ZNF177: variants seen among roughly 807,000 people sequenced by gnomAD.
ZNF177 encodes the protein zinc finger protein 177.
A neutral mutation model predicts 19.4 loss-of-function variants in ZNF177; 17 were observed. That is an observed-to-expected ratio of 0.87 (90% CI 0.60 to 1.31). The LOEUF (loss-of-function observed/expected upper bound fraction) is 1.31. Ranked by LOEUF, ZNF177 falls within the 40% of genes most tolerant of loss-of-function variation. ZNF177 has a pLI of 0.00. For missense variants in ZNF177, 633 were observed against 561.8 expected, an observed-to-expected ratio of 1.13 and a Z score of -1.28; for synonymous variants, 220 against 188.7, an observed-to-expected ratio of 1.17 and a Z score of -1.36.
chr19:9,369,563 T>TGCAGAATTTAGCCCATCTG lies in ZNF177; in HGVS notation c.-304-2046_-304-2028dup, dbSNP rs1162164441. ...CTACCAGGACAGTCTGTTTTTAAAC[T>TGCAGAATTTAGCCCATCTG]GCAGAATTTAGCCCATCTGTACACT... On this transcript the variant is annotated intron_variant, in intron 2 of 8. Coordinates refer to the ZNF177 transcript ENST00000343499. 2.0e-5 allele frequency among the ~76,000 whole-genome samples: 3 copies of TGCAGAATTTAGCCCATCTG among 152,166 alleles called. No individual in the cohort carries two copies. In the East Asian group the frequency reaches 5.8e-4, roughly 29 times the overall value.
exon 6 of ZNF177, chr19:9,381,803 C>A: frequency 6.4e-7 from 1 of 1,560,966 alleles, no homozygotes. Flanking sequence ...TGTTTGTTGC[C>A]CCTCATGCCT....
In ZNF177 at chr19:9,380,652, A is replaced by G. The variant is rs1488627053; in HGVS notation, c.337-16A>G. On this transcript the variant is annotated splice_polypyrimidine_tract_variant and intron_variant, in intron 5 of 5. Transcript: ENST00000589262. ...GTGAAAAAGCCTCTAGTCACCACTT[A>G]CTCCCTTTTCAACAGGCAGAAAATC... 13 of 1,535,726 alleles carry G rather than the reference A, an allele frequency of 8.5e-6. No homozygotes were observed. The highest frequency in any genetic ancestry group is 1.4e-5 in the African/African-American group (1 of 73,102).
upstream of ZNF177, among the ~76,000 whole-genome samples, chr19:9,371,948 T>A (rs2068051889): frequency 6.6e-6 from 1 of 152,212 alleles, no homozygotes; most frequent in Non-Finnish European, 1.5e-5. Context: ...TATTAAGCTT[T>A]TATATATTTT....
chr19:9,369,112 G>A (rs927050158), intron 2 of ZNF177, among the ~76,000 whole-genome samples: 3 of 151,984 alleles, frequency 2.0e-5, no homozygotes, highest in African/African-American at 4.8e-5. Context: ...CTTCATGTGT[G>A]CTTCAAGAAT....
rs563417063 is a variant in ZNF177, at chr19:9,363,309, G to A, written c.-392+225G>A. On this transcript the variant is annotated intron_variant, in intron 1 of 8. Transcript: ENST00000343499. ...GGGAGGAGGCAAGTGGGTTCATGTG[G>A]TCAGAGTGCGTCGGCGGGGCCTTTT... 8 of 152,400 alleles carry A rather than the reference G, an allele frequency of 5.2e-5. No homozygotes were observed. In the East Asian group the frequency reaches 1.5e-3, roughly 29 times the overall value. 9.4% of individuals were successfully genotyped at this position (152,400 alleles called of 1,614,324 possible).
chr19:9,370,339 T>C (rs539391006), intron 2 of ZNF177, among the ~76,000 whole-genome samples: 1 of 152,194 alleles, frequency 6.6e-6, no homozygotes, highest in African/African-American at 2.4e-5. Context: ...TTCCCTCCCA[T>C]TTACTTTAAG....
Position 9,379,612 on chromosome 19 carries a change from CTG to C in ZNF177, c.249_250del (p.Ala84ArgfsTer7). ...ATGAAAGAGGAATTTTACAAGGTGA[CTG>C]TGCAGGTGAGCCTTGGGCAGAACAG... On this transcript the variant is annotated frameshift_variant, in exon 4 of 6. Transcript: ENST00000589262. LOFTEE classifies it high-confidence loss of function. The C allele has an allele frequency of 6.2e-7, 1 of 1,613,682 alleles. No homozygotes were observed. The highest frequency in any genetic ancestry group is 1.3e-5 in the African/African-American group (1 of 75,054).
upstream of ZNF177, among the ~76,000 whole-genome samples, chr19:9,372,652 T>G (rs1263755329): frequency 6.8e-6 from 1 of 146,270 alleles, no homozygotes; most frequent in Non-Finnish European, 1.5e-5. Context: ...GTTCAAGCAA[T>G]TCTCCTGCCT....
Position 9,381,331 on chromosome 19 carries a change from C to CA in ZNF177, c.1001dup (p.His334GlnfsTer8), listed in dbSNP as rs1430473824. ...TCATCTGAATGTGCACAAAAGAACT[C>CA]ACACTGGAGAGAAACCCTATGACTG... On this transcript the variant is annotated frameshift_variant, in exon 6 of 6. Coordinates refer to ENST00000589262, the Ensembl canonical transcript of ZNF177. LOFTEE classifies it low-confidence loss of function (END_TRUNC). The CA allele has an allele frequency of 1.2e-6, 2 of 1,614,044 alleles. No homozygotes were observed. The highest frequency in any genetic ancestry group is 1.7e-6 in the Non-Finnish European group (2 of 1,180,010).
chr19:9,371,427 T>G (rs190192720), upstream of ZNF177, among the ~76,000 whole-genome samples: 65 of 152,336 alleles, frequency 4.3e-4, no homozygotes, highest in African/African-American at 1.5e-3. Context: ...CTGACTGGTT[T>G]GTTTTCATTG....
intron 1 of ZNF177, among the ~76,000 whole-genome samples, chr19:9,363,588 G>C (rs1568379087): frequency 6.6e-6 from 1 of 152,092 alleles, no homozygotes; most frequent in Non-Finnish European, 1.5e-5. Flanking sequence ...AGGTCTTCAA[G>C]GTTTATTTTT....
rs1182304613 is a variant in ZNF177, at chr19:9,363,243, C to G, written c.-392+159C>G. ...GGCCGCCGGCTTTGGTTCCTCCCGG[C>G]ACTGCTGGGCTTGGGGCTGCCATTC... On this transcript the variant is annotated intron_variant, in intron 1 of 8. Transcript: ENST00000343499. 2.0e-5 allele frequency: 3 copies of G among 152,332 alleles called. No individual in the cohort carries two copies. In the East Asian group the frequency reaches 5.8e-4, roughly 29 times the overall value. 9.4% of individuals were successfully genotyped at this position (152,332 alleles called of 1,614,324 possible).
chr19:9,375,657 G>A (rs2068099763), upstream of ZNF177, among the ~76,000 whole-genome samples: 1 of 151,930 alleles, frequency 6.6e-6, no homozygotes, highest in African/African-American at 2.4e-5. Context: ...TATTTCTGTG[G>A]TTATCAGTTG....
At chr19:9,367,070 C>T (rs759785072) in intron 2 of ZNF177, among the ~76,000 whole-genome samples, 2 of 152,326 alleles carry the variant, frequency 1.3e-5, no homozygotes, top group African/African-American at 4.8e-5. Context: ...CCTGTAATCC[C>T]AGCACTTTGG....
chr19:9,370,670 C>G (rs1438804611), intron 2 of ZNF177, among the ~76,000 whole-genome samples: 2 of 152,148 alleles, frequency 1.3e-5, no homozygotes, highest in African/African-American at 4.8e-5. Flanking sequence ...CATCCTCCTG[C>G]CCCAGCTTTC....
At chr19:9,381,613 G>A (rs575759794) in exon 6 of ZNF177, 5 of 1,614,014 alleles carry the variant, frequency 3.1e-6, no homozygotes, top group Non-Finnish European at 4.2e-6. Flanking sequence ...TGAGTGTAAA[G>A]AATGTGGGAA....
chr19:9,365,647 C>T (rs1337751311), intron 2 of ZNF177, among the ~76,000 whole-genome samples: 3 of 152,184 alleles, frequency 2.0e-5, no homozygotes, highest in East Asian at 3.9e-4. Context: ...CAGGCGTCCC[C>T]GCATGATTAA....
upstream of ZNF177, among the ~76,000 whole-genome samples, chr19:9,373,485 T>C (rs1298238879): frequency 6.6e-6 from 1 of 152,212 alleles, no homozygotes; most frequent in African/African-American, 2.4e-5. Flanking sequence ...TGCTAGATCA[T>C]ATGGTAGTTC....
rs2068172431 is a variant in ZNF177, at chr19:9,380,157, GT to G, written c.336+19del. 6.3e-7 allele frequency: 1 copy of G among 1,594,006 alleles called. No homozygotes were observed. Among genetic ancestry groups the G allele is most frequent in the African/African-American group, 1.4e-5 (1 of 73,708 alleles). ...TAAACACGGTAAGACTTACTAGGAA[GT>G]ATTCCTGGTCTTTGTAGTAGAAGTC... is the stretch of plus-strand genomic sequence containing the variant. On this transcript the variant is annotated intron_variant, in intron 5 of 5. Transcript: ENST00000589262.
Sources: allele counts gnomAD v4.1 joint callset (sites outside exome capture counted in the v4.1 genomes callset), GRCh38; gene constraint gnomAD v4.1.1; transcripts MANE v1.5; gene names NCBI Gene and HGNC (gene_info 2026-07-23, HGNC 2026-07-21).